Variants in PDXDC1 observed in about 807,000 individuals in gnomAD.
The protein encoded by PDXDC1 is pyridoxal-dependent decarboxylase domain-containing protein 1.
A neutral mutation model predicts 100.1 loss-of-function variants in PDXDC1; 42 were observed. The ratio of observed to expected loss-of-function variants is 0.42; its 90% CI spans 0.33 to 0.54. The LOEUF (loss-of-function observed/expected upper bound fraction) is 0.54. Among genes scored for constraint, PDXDC1 ranks in the 20% least tolerant of loss-of-function variants. The pLI is 0.10. For missense variants in PDXDC1, 636 were observed against 979.2 expected, an observed-to-expected ratio of 0.65 and a Z score of 4.68; for synonymous variants, 260 against 371.7, an observed-to-expected ratio of 0.70 and a Z score of 3.46.
At chr16:14,975,719 G>A (rs1966723153) in intron 1 of PDXDC1, 1 of 976,432 alleles carries the variant, frequency 1.0e-6, no homozygotes. Context: ...ATCACCTGGG[G>A]CCTTTGGTAA....
At chr16:15,043,738 G>A (rs1167052164) in intron 16 of PDXDC1, among the ~76,000 whole-genome samples, 1 of 152,088 alleles carries the variant, frequency 6.6e-6, no homozygotes, top group African/African-American at 2.4e-5. Flanking sequence ...TCACCAGGTC[G>A]GGAGTTCACA....
intron 16 of PDXDC1, among the ~76,000 whole-genome samples, chr16:15,124,677 CAGG>C (rs1442150295): frequency 6.6e-6 from 1 of 151,594 alleles, no homozygotes; most frequent in African/African-American, 2.4e-5. Context: ...GAGGCTGAGG[CAGG>C]AGAACAGTTT....
At chr16:15,054,643 C>T (rs2044427716) in intron 16 of PDXDC1, among the ~76,000 whole-genome samples, 1 of 152,188 alleles carries the variant, frequency 6.6e-6, no homozygotes, top group Non-Finnish European at 1.5e-5. Flanking sequence ...TGTCTGCCTT[C>T]TCCCCGTCAG....
chr16:15,063,899 C>A (rs1216428139), intron 16 of PDXDC1, among the ~76,000 whole-genome samples: 2 of 151,992 alleles, frequency 1.3e-5, no homozygotes, highest in African/African-American at 2.4e-5. Context: ...CAGTTAGATA[C>A]AGTATATCCA....
downstream of PDXDC1, among the ~76,000 whole-genome samples, chr16:15,139,863 C>T (rs1009393091): frequency 4.0e-5 from 6 of 151,804 alleles, no homozygotes; most frequent in East Asian, 3.9e-4. Flanking sequence ...TTTGGGAGGC[C>T]AAGGTGGGTG....
intron 1 of PDXDC1, among the ~76,000 whole-genome samples, chr16:14,987,011 G>A (rs535984541): frequency 2.6e-5 from 4 of 152,280 alleles, no homozygotes; most frequent in African/African-American, 9.6e-5. Flanking sequence ...GCCTCCCAAA[G>A]TGCTGGTTTT....
chr16:15,129,366 G>A (rs1024018759), intron 16 of PDXDC1, among the ~76,000 whole-genome samples: 58 of 151,986 alleles, frequency 3.8e-4, no homozygotes, highest in African/African-American at 1.3e-3. Flanking sequence ...TTAAACCCAG[G>A]AGCTGGAAGT....
chr16:15,035,547 C>T lies in PDXDC1; in HGVS notation c.2101C>T (p.Leu701Phe). 1 of 1,603,136 alleles carries T rather than the reference C, an allele frequency of 6.2e-7. No homozygotes were observed. Among genetic ancestry groups the T allele is most frequent in the Non-Finnish European group, 8.5e-7 (1 of 1,171,978 alleles). The change falls in exon 22 of 23, where the codon CTT becomes TTT. Residue 701 changes from leucine (L) to phenylalanine (F), a missense_variant. Coordinates refer to ENST00000396410, the MANE Select transcript of PDXDC1 (RefSeq NM_015027.4). The part of the protein sequence containing the change: ...TPSGSRTKQR[L>F]PGQKPFKRSL... Reference sequence around the variant, plus strand: ...CTCGGGCAGTCGCACCAAGCAGAGGCTTCCAGGTAAGTGACGCCTCTGCAC... The same window carrying T: ...CTCGGGCAGTCGCACCAAGCAGAGGTTTCCAGGTAAGTGACGCCTCTGCAC...
rs1018155793 is a variant in PDXDC1 at position 15,033,312 on chromosome 16, T to C, written c.1725T>C (p.Tyr575=). The C allele has an allele frequency of 6.2e-7, 1 of 1,614,218 alleles. No homozygotes were observed. The highest frequency in any genetic ancestry group is 8.5e-7 in the Non-Finnish European group (1 of 1,180,030). The change falls in exon 19 of 23, where the codon TAT becomes TAC. Residue 575 remains tyrosine (Y), a synonymous_variant. Transcript: ENST00000396410. ...PEYKSMKSCL[Y]VGMASDNVDA... ...ATAAGAGCATGAAGAGCTGCCTTTA[T>C]GTCGGCATGGCGAGCGACAACGTCG...
At chr16:14,988,163 C>T (rs568335485) in intron 1 of PDXDC1, 129 of 1,546,070 alleles carry the variant, frequency 8.3e-5, no homozygotes, top group African/African-American at 5.5e-4. Flanking sequence ...GCACAAAGGG[C>T]GGGTGCTTCC....
At chr16:14,981,783 C>G (rs1968046237) in intron 1 of PDXDC1, among the ~76,000 whole-genome samples, 1 of 152,364 alleles carries the variant, frequency 6.6e-6, no homozygotes, top group East Asian at 1.9e-4. Flanking sequence ...GTGCAGTTAA[C>G]TTTGCTGCCT....
intron 16 of PDXDC1, chr16:15,133,513 T>A: frequency 1.1e-6 from 1 of 894,758 alleles, no homozygotes; most frequent in South Asian, 1.4e-5. Flanking sequence ...CCACAGCGGC[T>A]CCCAGCTGGT....
rs753543324 is a variant in PDXDC1 at position 15,071,252 on chromosome 16, CT to C, written c.1399+41197del. 5 of 1,602,552 alleles carry C rather than the reference CT, an allele frequency of 3.1e-6. No individual in the cohort carries two copies. In the African/African-American group the frequency reaches 6.7e-5, roughly 22 times the overall value. Reference sequence around the variant, plus strand: ...GTTCCAAAAATGCCTCTGCGAATCCCTATAAAAAGAGAGGGCGTCGGTGTGA... The same window carrying C: ...GTTCCAAAAATGCCTCTGCGAATCCCATAAAAAGAGAGGGCGTCGGTGTGA... On this transcript the variant is annotated intron_variant, in intron 16 of 16. Coordinates refer to the PDXDC1 transcript ENST00000535621.
intron 13 of PDXDC1, among the ~76,000 whole-genome samples, chr16:15,024,456 G>A (rs187220402): frequency 2.0e-4 from 29 of 148,592 alleles, no homozygotes; most frequent in Non-Finnish European, 3.5e-4. Context: ...GCCCAGACTG[G>A]AGTGCAGTGG....
chr16:14,982,108 A>G (rs1400245473), intron 1 of PDXDC1, among the ~76,000 whole-genome samples: 3 of 152,160 alleles, frequency 2.0e-5, no homozygotes, highest in Admixed American at 6.5e-5. Flanking sequence ...TTTCTTTCCT[A>G]TTTTCTGCCT....
intron 1 of PDXDC1, among the ~76,000 whole-genome samples, chr16:14,985,503 T>C (rs1267407980): frequency 3.9e-5 from 6 of 152,226 alleles, no homozygotes; most frequent in Non-Finnish European, 2.9e-5. Flanking sequence ...TTAGCCAGGA[T>C]GGTCTCCATC....
At chr16:15,119,515 C>T (rs1357005652) in intron 16 of PDXDC1, among the ~76,000 whole-genome samples, 18 of 149,194 alleles carry the variant, frequency 1.2e-4, no homozygotes, top group Non-Finnish European at 2.7e-4. Context: ...AGCTCCTGGG[C>T]TCAAGCCATT....
chr16:15,047,385 C>T (rs576213883), intron 16 of PDXDC1: 9 of 1,124,702 alleles, frequency 8.0e-6, no homozygotes, highest in Middle Eastern at 2.0e-4. Context: ...ACAGCCACGT[C>T]CTGTATGCGA....
intron 16 of PDXDC1, among the ~76,000 whole-genome samples, chr16:15,078,783 T>C (rs1278615516): frequency 6.6e-6 from 1 of 151,018 alleles, no homozygotes; most frequent in East Asian, 1.9e-4. Flanking sequence ...GGAACTACTC[T>C]TCCAACTGCC....
Sources: gnomAD v4.1 joint callset for allele counts (sites outside exome capture counted in the v4.1 genomes callset) on GRCh38, gnomAD v4.1.1 for gene constraint, MANE v1.5 for transcripts, NCBI Gene and HGNC (gene_info 2026-07-23, HGNC 2026-07-21) for gene names.